ADORA1: variants seen among roughly 807,000 people sequenced by gnomAD.
The protein encoded by ADORA1 is adenosine receptor A1.
ADORA1 carries 6 observed loss-of-function variants against 19.9 expected under a neutral mutation model. The ratio of observed to expected loss-of-function variants is 0.30; its 90% CI spans 0.17 to 0.59. The LOEUF is 0.59. ADORA1 is among the 20% of genes least tolerant of loss of function. The probability of loss-of-function intolerance (pLI) is 0.87; values close to 1 mark genes in which losing one functional copy is unlikely to be tolerated. For synonymous variants in ADORA1, 194 were observed against 188.4 expected, an observed-to-expected ratio of 1.03 and a Z score of -0.24; for missense variants, 302 against 439.2, an observed-to-expected ratio of 0.69 and a Z score of 2.79.
Position 203,135,727 on chromosome 1 carries a change from A to C in ADORA1, c.341+6545A>C, listed in dbSNP as rs185136442. Among the ~76,000 whole-genome samples the C allele has an allele frequency of 1.8e-4, 27 of 152,320 alleles. No individual in the cohort carries two copies. The East Asian group carries it at 5.0e-3, about 28-fold the overall frequency. ...CACTTTAATGATTCACAATGTTCAT[A>C]GGGTCAGAGCCAAGTCAGAACCTGG... On this transcript the variant is annotated intron_variant, in intron 3 of 3. Coordinates refer to ENST00000337894, the MANE Select transcript of ADORA1 (RefSeq NM_000674.3).
At chr1:203,162,823 A>G in intron 3 of ADORA1, among the ~76,000 whole-genome samples, 1 of 152,120 alleles carries the variant, frequency 6.6e-6, no homozygotes, top group East Asian at 1.9e-4. Context: ...TGAGAAAGGG[A>G]TTTGTAAATG....
chr1:203,131,529 C>T (rs1654331177), intron 3 of ADORA1, among the ~76,000 whole-genome samples: 1 of 152,230 alleles, frequency 6.6e-6, no homozygotes, highest in African/African-American at 2.4e-5. Flanking sequence ...TAACCTCTCA[C>T]TTTCTTGCTG....
chr1:203,165,606 G>A lies in ADORA1; in HGVS notation c.687G>A (p.Glu229=). 2 of 1,613,604 alleles carry A rather than the reference G, an allele frequency of 1.2e-6. No homozygotes were observed. The highest frequency in any genetic ancestry group is 1.7e-6 in the Non-Finnish European group (2 of 1,179,634). The change falls in exon 4 of 4, where the codon GAG becomes GAA. Residue 229 remains glutamate (E), a synonymous_variant. Transcript: ENST00000337894. This position sits in a 1 kb window ranked among gnomAD's most constrained non-coding sequence, Gnocchi z 5.9. ...SGDPQKYYGK[E]LKIAKSLALI... ...ACCCGCAGAAGTACTATGGGAAGGA[G>A]CTGAAGATCGCCAAGTCGCTGGCCC...
At chr1:203,150,211 G>C (rs994024521) in intron 3 of ADORA1, among the ~76,000 whole-genome samples, 1 of 152,206 alleles carries the variant, frequency 6.6e-6, no homozygotes, top group Non-Finnish European at 1.5e-5. Context: ...CACTGGGTGA[G>C]CCTGGGTGCT....
At chr1:203,133,739 C>T (rs1042398677) in intron 3 of ADORA1, among the ~76,000 whole-genome samples, 3 of 152,254 alleles carry the variant, frequency 2.0e-5, no homozygotes, top group Admixed American at 6.5e-5. Context: ...TGCCTCTGTC[C>T]ATAGCTTGAA....
Position 203,128,164 on chromosome 1 carries a change from G to A in ADORA1, c.-212-114G>A, listed in dbSNP as rs1654209704. ...GAGAAACGCCCCAGCCTTGTCCTGG[G>A]CTCCGTCCCCAGACCCACGTCTGCC... On this transcript the variant is annotated intron_variant, in intron 1 of 3. Transcript: ENST00000337894. This position sits in a 1 kb window ranked among gnomAD's most constrained non-coding sequence, Gnocchi z 5.9. The A allele has an allele frequency of 1.2e-5, 5 of 417,186 alleles. No individual in the cohort carries two copies. The highest frequency in any genetic ancestry group is 1.0e-4 in the South Asian group (5 of 48,982). The allele number at this position is 417,186 out of a possible 1,614,324, so 25.8% of individuals were successfully genotyped here.
chr1:203,131,923 G>A (rs1654352991), intron 3 of ADORA1, among the ~76,000 whole-genome samples: 1 of 152,208 alleles, frequency 6.6e-6, no homozygotes, highest in Non-Finnish European at 1.5e-5. Flanking sequence ...CCTGGGCACA[G>A]AGAGTCGTAC....
In ADORA1 at chr1:203,141,740, C is replaced by A. The variant is rs192223795; in HGVS notation, c.341+12558C>A. Among the ~76,000 whole-genome samples the A allele has an allele frequency of 1.3e-4, 20 of 152,104 alleles. No homozygotes were observed. In the East Asian group the frequency reaches 3.1e-3, roughly 24 times the overall value. ...GAACTATAGGCTCATGCCACCACGC[C>A]CAGGTAATTCTTTTCTATTTTTAGT... On this transcript the variant is annotated intron_variant, in intron 3 of 3. Coordinates refer to ENST00000337894, the MANE Select transcript of ADORA1 (RefSeq NM_000674.3).
Position 203,151,788 on chromosome 1 carries a change from GCATTCATTCATTCATT to G in ADORA1, c.342-13455_342-13440del, listed in dbSNP as rs34226911. 6.6e-5 allele frequency among the ~76,000 whole-genome samples: 10 copies of G among 151,326 alleles called. No individual in the cohort carries two copies. The East Asian group carries it at 9.8e-4, about 15-fold the overall frequency. ...CCCACAGCACACTTCATGCATGCATGCATTCATTCATTCATTCATTCATTCATTCATTCTTATACTC... is the reference window on the plus strand; with the variant it reads ...CCCACAGCACACTTCATGCATGCATGCATTCATTCATTCATTCTTATACTC... On this transcript the variant is annotated intron_variant, in intron 3 of 3. Transcript: ENST00000337894.
Position 203,165,311 on chromosome 1 carries a change from G to A in ADORA1, c.392G>A (p.Cys131Tyr). ...PRRAAVAIAGCWILSFVVGLT... is the reference protein window; with the variant it reads ...PRRAAVAIAGYWILSFVVGLT... ...AGGGCGGCGGTGGCCATAGCCGGCTGCTGGATCCTCTCCTTCGTGGTGGGA... is the reference window on the plus strand; with the variant it reads ...AGGGCGGCGGTGGCCATAGCCGGCTACTGGATCCTCTCCTTCGTGGTGGGA... Residue 131 changes from cysteine to tyrosine, a missense_variant, in exon 4 of 4, where the codon TGC (cysteine) becomes TAC (tyrosine). Transcript: ENST00000337894. The surrounding 1 kb of genome is among the most constrained non-coding windows in gnomAD (Gnocchi z 5.9). The A allele has an allele frequency of 6.4e-7, 1 of 1,569,656 alleles. No individual in the cohort carries two copies. The highest frequency in any genetic ancestry group is 8.6e-7 in the Non-Finnish European group (1 of 1,157,876).
At chr1:203,157,674 C>T (rs539575738) in intron 3 of ADORA1, among the ~76,000 whole-genome samples, 6 of 152,368 alleles carry the variant, frequency 3.9e-5, no homozygotes, top group East Asian at 1.9e-4. Flanking sequence ...TAATTGGAGG[C>T]TGGCATGACC....
chr1:203,166,149 A>G lies in ADORA1; in HGVS notation c.*249A>G. 2.4e-6 allele frequency: 1 copy of G among 414,180 alleles called. No individual in the cohort carries two copies. Among genetic ancestry groups the G allele is most frequent in the Non-Finnish European group, 4.2e-6 (1 of 239,868 alleles). 25.7% of individuals were successfully genotyped at this position (414,180 alleles called of 1,614,324 possible). On this transcript the variant is annotated 3_prime_UTR_variant, in exon 4 of 4. Transcript: ENST00000337894. Reference sequence around the variant, plus strand: ...CGGAGGGACCAGGTGTCTAGAGGCAACAGTGTTCTGAGCCCCCACCTGCCT... The same window carrying G: ...CGGAGGGACCAGGTGTCTAGAGGCAGCAGTGTTCTGAGCCCCCACCTGCCT...
intron 3 of ADORA1, among the ~76,000 whole-genome samples, chr1:203,159,819 T>G (rs1396303120): frequency 6.6e-6 from 1 of 152,172 alleles, no homozygotes; most frequent in Non-Finnish European, 1.5e-5. Context: ...ACTGCCTGAT[T>G]GCCCCCAGCA....
At chr1:203,155,473 C>T (rs1655172108) in intron 3 of ADORA1, among the ~76,000 whole-genome samples, 1 of 152,186 alleles carries the variant, frequency 6.6e-6, no homozygotes. Context: ...TGTGCACAGT[C>T]GGGTCTCCAA....
intron 3 of ADORA1, chr1:203,129,547 T>G: frequency 4.6e-6 from 1 of 217,200 alleles, no homozygotes; most frequent in Non-Finnish European, 9.0e-6. Flanking sequence ...GCTCTGCCAG[T>G]CCCAGGGAAG....
At chr1:203,140,349 T>G (rs983676915) in intron 3 of ADORA1, among the ~76,000 whole-genome samples, 1 of 152,108 alleles carries the variant, frequency 6.6e-6, no homozygotes, top group African/African-American at 2.4e-5. Context: ...TGGAAATAGG[T>G]TGAGGTGCAA....
intron 3 of ADORA1, among the ~76,000 whole-genome samples, chr1:203,164,901 G>C (rs1254439740): frequency 6.6e-6 from 1 of 152,220 alleles, no homozygotes; most frequent in Non-Finnish European, 1.5e-5. Flanking sequence ...CGCGACAAAG[G>C]CTGTCATGAA....
At chr1:203,136,062 A>T (rs144585994) in intron 3 of ADORA1, among the ~76,000 whole-genome samples, 2 of 152,238 alleles carry the variant, frequency 1.3e-5, no homozygotes, top group Non-Finnish European at 2.9e-5. Flanking sequence ...GGTTGGCCTC[A>T]TTCGGCAGGT....
Position 203,128,820 on chromosome 1 carries a change from A to T in ADORA1, c.-22A>T. The T allele has an allele frequency of 6.4e-7, 1 of 1,569,982 alleles. No homozygotes were observed. The highest frequency in any genetic ancestry group is 1.2e-5 in the South Asian group (1 of 84,976). On this transcript the variant is annotated 5_prime_UTR_variant, in exon 3 of 4. An upstream start codon of the reference 5' UTR is lost. Transcript: ENST00000337894. This position sits in a 1 kb window ranked among gnomAD's most constrained non-coding sequence, Gnocchi z 5.9. ...CGTGCCCCTTGGTGCCCGTCTGCTG[A>T]TGTGCCCAGCCTGTGCCCGCCATGC...
Sources: allele counts gnomAD v4.1 joint callset (sites outside exome capture counted in the v4.1 genomes callset), GRCh38; gene constraint gnomAD v4.1.1; non-coding constraint Gnocchi (gnomAD v3.1); transcripts MANE v1.5; gene names NCBI Gene and HGNC (gene_info 2026-07-23, HGNC 2026-07-21).